Variants in FLNB observed in about 807,000 individuals in gnomAD.
FLNB encodes the protein filamin-B.
A neutral mutation model predicts 250.6 loss-of-function variants in FLNB; 111 were observed. The ratio of observed to expected loss-of-function variants is 0.44; its 90% CI spans 0.38 to 0.52. The LOEUF is 0.52. FLNB is among the 20% of genes least tolerant of loss of function. The pLI, the probability that FLNB is intolerant of heterozygous loss-of-function variation, is 0.00. For synonymous variants in FLNB, 1,302 were observed against 1,372.1 expected, an observed-to-expected ratio of 0.95 and a Z score of 1.13; for missense variants, 2,869 against 3,447.8, an observed-to-expected ratio of 0.83 and a Z score of 4.20.
intron 20 of FLNB, 110 bp downstream of exon 20, chr3:58,121,613 A>C (rs1302939894): frequency 7.0e-7 from 1 of 1,422,376 alleles, no homozygotes; most frequent in Non-Finnish European, 9.8e-7. Context: ...TTTTGTGATG[A>C]AAGTTAGCAC....
At chr3:58,135,044 G>C (rs958977979) in intron 27 of FLNB, among the ~76,000 whole-genome samples, 3 of 151,872 alleles carry the variant, frequency 2.0e-5, no homozygotes, top group African/African-American at 7.3e-5. Context: ...TTAAAGATGG[G>C]GTTTCACCAT....
chr3:58,143,861 C>T (rs1014874875), intron 32 of FLNB, among the ~76,000 whole-genome samples: 1 of 152,170 alleles, frequency 6.6e-6, no homozygotes, highest in African/African-American at 2.4e-5. Flanking sequence ...TTATCTTTGT[C>T]ACTACGCTGA....
At chr3:58,042,060 A>G (rs1274493211) in intron 1 of FLNB, among the ~76,000 whole-genome samples, 1 of 152,090 alleles carries the variant, frequency 6.6e-6, no homozygotes, top group Non-Finnish European at 1.5e-5. Context: ...AGTTGACCCC[A>G]TTCTTCCCCA....
At chr3:58,110,512 A>G (rs1370210764) in intron 16 of FLNB, among the ~76,000 whole-genome samples, 2 of 143,894 alleles carry the variant, frequency 1.4e-5, no homozygotes, top group Non-Finnish European at 3.0e-5. Flanking sequence ...GTGCAATGGC[A>G]TGATCTTGGC....
At chr3:58,072,689 C>T (rs2097196369) in intron 1 of FLNB, among the ~76,000 whole-genome samples, 1 of 152,080 alleles carries the variant, frequency 6.6e-6, no homozygotes, top group East Asian at 1.9e-4. Flanking sequence ...GAGAACTGCT[C>T]TCTCTCTAGT....
chr3:58,077,394 G>A (rs532961510), intron 2 of FLNB, 100 bp downstream of exon 2: 2 of 1,449,876 alleles, frequency 1.4e-6, no homozygotes, highest in African/African-American at 2.8e-5. Flanking sequence ...GCTTTGATTA[G>A]CGTATTTCTC....
intron 43 of FLNB, among the ~76,000 whole-genome samples, chr3:58,166,523 T>G (rs1398442337): frequency 6.6e-6 from 1 of 152,182 alleles, no homozygotes; most frequent in East Asian, 1.9e-4. Flanking sequence ...CAACTTCACT[T>G]TAAAAATATC....
intron 4 of FLNB, among the ~76,000 whole-genome samples, chr3:58,089,197 A>G (rs957864765): frequency 2.6e-5 from 4 of 152,208 alleles, no homozygotes; most frequent in Admixed American, 6.5e-5. Context: ...CTGAGGTGAT[A>G]GAGATGTTAG....
At chr3:58,036,867 G>A (rs2097138817) in intron 1 of FLNB, among the ~76,000 whole-genome samples, 1 of 152,124 alleles carries the variant, frequency 6.6e-6, no homozygotes, top group South Asian at 2.1e-4. Flanking sequence ...AGTCGGTTAG[G>A]TCTGACCTCT....
chr3:58,065,411 T>G (rs1212545077), intron 1 of FLNB, among the ~76,000 whole-genome samples: 1 of 152,244 alleles, frequency 6.6e-6, no homozygotes, highest in Non-Finnish European at 1.5e-5. Flanking sequence ...AGTAGGAGTT[T>G]GGGCTTTGAT....
At chr3:58,154,968 T>A in intron 40 of FLNB, 40 bp downstream of exon 40, 3 of 1,602,932 alleles carry the variant, frequency 1.9e-6, no homozygotes, top group Non-Finnish European at 1.7e-6. Context: ...TTTCCTTGTT[T>A]GAACATGATT....
In FLNB at chr3:58,148,729, G is replaced by A. The variant is rs970333657; in HGVS notation, c.5968G>A (p.Val1990Met). Residue 1990 changes from valine to methionine, a missense_variant, in exon 36 of 46, where the codon GTG becomes ATG. Around this residue, in one of 5 missense-constraint regions of FLNB, gnomAD observed 1,084 missense variants for 1,315.5 expected, o/e 0.82. Coordinates refer to ENST00000295956, the MANE Select transcript of FLNB (RefSeq NM_001457.4). ...KNGNHVANSP[V>M]SIMVVQSEIG... Reference sequence around the variant, plus strand: ...TGGCAACCATGTGGCCAACAGCCCCGTGTCTATCATGGTGGTCCAGTCGGA... The same window carrying A: ...TGGCAACCATGTGGCCAACAGCCCCATGTCTATCATGGTGGTCCAGTCGGA... 9 of 1,614,076 alleles carry A rather than the reference G, an allele frequency of 5.6e-6. No homozygotes were observed. The highest frequency in any genetic ancestry group is 1.3e-5 in the African/African-American group (1 of 75,006).
Position 58,100,373 on chromosome 3 carries a change from A to AAAAATATATATATATATATAT in FLNB, c.1345+1466_1345+1467insAAATATATATATATATATATA. On this transcript the variant is annotated intron_variant, in intron 8 of 45. Transcript: ENST00000295956. Reference sequence around the variant, plus strand: ...AATGATTTTACATATGTAAAAAAAAAATATATATATATTTGCAGGGGCGCG... The same window carrying AAAAATATATATATATATATAT: ...AATGATTTTACATATGTAAAAAAAAAAAAATATATATATATATATATATATATATATATTTGCAGGGGCGCG... 2.8e-3 allele frequency among the ~76,000 whole-genome samples: 295 copies of AAAAATATATATATATATATAT among 104,338 alleles called. 8 individuals are homozygous for AAAAATATATATATATATATAT. In the East Asian group the frequency reaches 0.03, roughly 11 times the overall value. 68.4% of individuals were successfully genotyped at this position (104,338 alleles called of 152,430 possible).
At chr3:58,103,293 T>TGC (rs1553696913) in intron 9 of FLNB, among the ~76,000 whole-genome samples, 12 of 138,474 alleles carry the variant, frequency 8.7e-5, no homozygotes, top group Non-Finnish European at 1.5e-4. Context: ...TGTGTGTGTG[T>TGC]GCACGCGCGT....
intron 1 of FLNB, among the ~76,000 whole-genome samples, chr3:58,031,290 T>C (rs2097130517): frequency 6.6e-6 from 1 of 152,214 alleles, no homozygotes; most frequent in Admixed American, 6.5e-5. Flanking sequence ...TCGCCCAGGC[T>C]GGAGTGCAGT....
chr3:58,016,334 G>A (rs540273033), intron 1 of FLNB, among the ~76,000 whole-genome samples: 58 of 152,080 alleles, frequency 3.8e-4, no homozygotes, highest in African/African-American at 1.3e-3. Flanking sequence ...GATTACAGGC[G>A]TGAGCCACGG....
chr3:58,141,441 T>C (rs540149634), intron 29 of FLNB, among the ~76,000 whole-genome samples: 46 of 152,334 alleles, frequency 3.0e-4, no homozygotes, highest in African/African-American at 1.0e-3. Flanking sequence ...CAATGTGTCA[T>C]AGGTACCCTT....
intron 36 of FLNB, chr3:58,149,535 C>T: frequency 2.3e-6 from 1 of 433,888 alleles, no homozygotes; most frequent in Non-Finnish European, 4.3e-6. Context: ...ACGTGCAGTA[C>T]TTGGAGGCGT....
intron 4 of FLNB, among the ~76,000 whole-genome samples, chr3:58,084,760 C>G (rs2097214710): frequency 6.6e-6 from 1 of 152,110 alleles, no homozygotes; most frequent in South Asian, 2.1e-4. Flanking sequence ...CAATAGCGCC[C>G]CATTCTCCCC....
Sources: gnomAD v4.1 joint callset for allele counts (sites outside exome capture counted in the v4.1 genomes callset) on GRCh38, gnomAD v4.1.1 for gene constraint, gnomAD v4.1.1 regional missense constraint, MANE v1.5 for transcripts, NCBI Gene and HGNC (gene_info 2026-07-23, HGNC 2026-07-21) for gene names.